IL1RAPL2: variants seen among roughly 807,000 people sequenced by gnomAD.
IL1RAPL2 encodes interleukin 1 receptor accessory protein like 2, also known as X-linked interleukin-1 receptor accessory protein-like 2.
Under a neutral mutation model 44.1 loss-of-function variants are expected in IL1RAPL2, and 3 were observed. That is an observed-to-expected ratio of 0.07 (90% CI 0.03 to 0.18). IL1RAPL2 has a LOEUF of 0.18. IL1RAPL2 is among the 10% of genes least tolerant of loss of function. The pLI is 1.00. For missense variants in IL1RAPL2, 391 were observed against 496.4 expected (o/e 0.79, Z 2.02); for synonymous variants, 181 against 178.8 (o/e 1.01, Z -0.10).
chrX:105,539,683 T>C (rs535654425), intron 6 of IL1RAPL2, among the ~76,000 whole-genome samples: 1 of 111,601 alleles, frequency 9.0e-6, no homozygotes, highest in African/African-American at 3.3e-5. Context: ...TGGTATCTAA[T>C]TAAACTAAAG....
At chrX:105,251,949 T>C (rs1416030865) in intron 4 of IL1RAPL2, among the ~76,000 whole-genome samples, 2 of 111,097 alleles carry the variant, frequency 1.8e-5, no homozygotes, top group African/African-American at 6.5e-5. Context: ...CAAATTATTA[T>C]GTATAATTTA....
chrX:105,762,584 A>C (rs2038696420), intron 10 of IL1RAPL2, among the ~76,000 whole-genome samples: 1 of 112,342 alleles, frequency 8.9e-6, no homozygotes, highest in Non-Finnish European at 1.9e-5. Flanking sequence ...TGAACAGGTT[A>C]AATGTACTTG....
intron 6 of IL1RAPL2, among the ~76,000 whole-genome samples, chrX:105,555,603 T>C (rs1468869200): frequency 8.9e-6 from 1 of 111,846 alleles, no homozygotes; most frequent in African/African-American, 3.2e-5. Context: ...TTCTTAGCAG[T>C]CTCATTTTGA....
intron 6 of IL1RAPL2, among the ~76,000 whole-genome samples, chrX:105,622,137 G>A (rs1171697498): frequency 2.7e-5 from 3 of 109,613 alleles, no homozygotes; most frequent in African/African-American, 9.9e-5. Flanking sequence ...TTAATCATAC[G>A]ACAATTATAC....
chrX:105,553,186 G>C (rs771926041), intron 6 of IL1RAPL2, among the ~76,000 whole-genome samples: 1 of 111,832 alleles, frequency 8.9e-6, no homozygotes, highest in African/African-American at 3.3e-5. Flanking sequence ...TGGTTGTAAA[G>C]ATAGAAAAAA....
chrX:104,773,191 G>A (rs1414343426), intron 2 of IL1RAPL2, among the ~76,000 whole-genome samples: 3 of 111,919 alleles, frequency 2.7e-5, no homozygotes, highest in Non-Finnish European at 5.6e-5. Flanking sequence ...TTACAGGCAT[G>A]AGTCACCACA....
intron 2 of IL1RAPL2, among the ~76,000 whole-genome samples, chrX:105,133,881 G>A (rs936463107): frequency 5.4e-5 from 6 of 110,922 alleles, no homozygotes; most frequent in African/African-American, 2.0e-4. Flanking sequence ...TCTACTTTAG[G>A]GATTAGGTTT....
intron 2 of IL1RAPL2, among the ~76,000 whole-genome samples, chrX:104,722,673 A>G (rs2147564914): frequency 9.0e-6 from 1 of 111,665 alleles, no homozygotes; most frequent in East Asian, 2.8e-4. Context: ...TTTCCATAGT[A>G]TATGTTTGGA....
intron 2 of IL1RAPL2, among the ~76,000 whole-genome samples, chrX:104,923,457 T>A (rs1924694918): frequency 1.8e-5 from 2 of 112,133 alleles, no homozygotes; most frequent in Non-Finnish European, 3.8e-5. Flanking sequence ...AACAGTGGAC[T>A]TATCAGCAGA....
At chrX:104,713,597 G>A (rs1252965710) in intron 2 of IL1RAPL2, among the ~76,000 whole-genome samples, 1 of 110,090 alleles carries the variant, frequency 9.1e-6, no homozygotes, top group Non-Finnish European at 1.9e-5. Context: ...ATCTTTTTAT[G>A]TGTATATATA....
At chrX:104,598,960 A>G (rs1162249908) in intron 1 of IL1RAPL2, among the ~76,000 whole-genome samples, 2 of 112,462 alleles carry the variant, frequency 1.8e-5, no homozygotes, top group Non-Finnish European at 3.7e-5. Flanking sequence ...AAATGTCTTC[A>G]TTTATAAAGG....
At chrX:104,651,064 T>C (rs1397732151) in intron 1 of IL1RAPL2, among the ~76,000 whole-genome samples, 1 of 112,291 alleles carries the variant, frequency 8.9e-6, no homozygotes, top group East Asian at 2.8e-4. Context: ...AATAAATTAT[T>C]ATCATCATAA....
At chrX:104,808,799 T>G (rs1343413) in intron 2 of IL1RAPL2, among the ~76,000 whole-genome samples, 5,967 of 111,563 alleles carry the variant, frequency 0.053, 424 homozygotes, top group African/African-American at 0.19. Flanking sequence ...GGATTAGTTG[T>G]TGAACGCTGG....
chrX:105,718,090 C>T (rs975425576), intron 7 of IL1RAPL2, among the ~76,000 whole-genome samples: 1 of 111,774 alleles, frequency 8.9e-6, no homozygotes, highest in African/African-American at 3.3e-5. Flanking sequence ...AGTACTTTCT[C>T]ATTTGTACAA....
At chrX:104,655,279 G>C (rs996288883) in intron 1 of IL1RAPL2, among the ~76,000 whole-genome samples, 2 of 111,594 alleles carry the variant, frequency 1.8e-5, no homozygotes, top group Non-Finnish European at 3.8e-5. Context: ...TCCAGTTTTT[G>C]CCCATTCAGT....
At chrX:104,573,586 A>T (rs1327222302) in intron 1 of IL1RAPL2, among the ~76,000 whole-genome samples, 1 of 112,498 alleles carries the variant, frequency 8.9e-6, no homozygotes, top group Non-Finnish European at 1.9e-5. Flanking sequence ...TAGTAACATT[A>T]CAGGAATCAT....
chrX:105,142,621 CT>C (rs937335747), intron 2 of IL1RAPL2, among the ~76,000 whole-genome samples: 9 of 106,137 alleles, frequency 8.5e-5, no homozygotes, highest in Non-Finnish European at 1.7e-4. Context: ...CTTTCACATT[CT>C]TTTTTTTCTT....
intron 2 of IL1RAPL2, among the ~76,000 whole-genome samples, chrX:105,050,823 C>T (rs2031910405): frequency 8.9e-6 from 1 of 112,179 alleles, no homozygotes; most frequent in South Asian, 3.7e-4. Flanking sequence ...GAGAGGAGGC[C>T]CTGGAGAGGG....
intron 6 of IL1RAPL2, among the ~76,000 whole-genome samples, chrX:105,516,562 T>G (rs1489275233): frequency 8.9e-6 from 1 of 111,955 alleles, no homozygotes; most frequent in African/African-American, 3.2e-5. Flanking sequence ...TGCATATATA[T>G]TTTTGTGCAG....
Sources: allele counts gnomAD v4.1 joint callset (sites outside exome capture counted in the v4.1 genomes callset), GRCh38; gene constraint gnomAD v4.1.1; transcripts MANE v1.5; gene names NCBI Gene and HGNC (gene_info 2026-07-23, HGNC 2026-07-21).